Variants in CDH23 observed in about 807,000 individuals in gnomAD.
CDH23 encodes cadherin-23.
In CDH23, 189 loss-of-function variants were observed where a neutral mutation model predicts 317.1. That is an observed-to-expected ratio of 0.60 (90% CI 0.53 to 0.67). The LOEUF (loss-of-function observed/expected upper bound fraction) is 0.67, where lower values mean the gene tolerates loss of function less well. Ranked by LOEUF, CDH23 falls within the 30% of genes least tolerant of loss-of-function variation. The pLI is 0.00. For missense variants in CDH23, 4,401 were observed against 4,592.4 expected (o/e 0.96, Z 1.20); for synonymous variants, 1,839 against 1,876.8 (o/e 0.98, Z 0.52).
At chr10:71,738,079 T>A (rs1839618895) in intron 34 of CDH23, among the ~76,000 whole-genome samples, 1 of 152,226 alleles carries the variant, frequency 6.6e-6, no homozygotes, top group Non-Finnish European at 1.5e-5. Flanking sequence ...CTCTAAATTT[T>A]ATTACTCATC....
At chr10:71,717,136 G>A (rs1257818952) in intron 28 of CDH23, 1 of 152,326 alleles carries the variant, frequency 6.6e-6, no homozygotes, top group Non-Finnish European at 1.5e-5. Context: ...GGTCCGAAGA[G>A]GGGATTTGGC....
intron 3 of CDH23, among the ~76,000 whole-genome samples, chr10:71,450,080 C>T (rs1368071238): frequency 6.6e-6 from 1 of 152,168 alleles, no homozygotes; most frequent in Non-Finnish European, 1.5e-5. Context: ...CAGTTGTTGG[C>T]AGCAGAGCCT....
At chr10:71,555,904 C>T (rs960858181) in intron 6 of CDH23, among the ~76,000 whole-genome samples, 5 of 152,136 alleles carry the variant, frequency 3.3e-5, no homozygotes, top group East Asian at 1.9e-4. Flanking sequence ...GGTGTCTTGC[C>T]CCAGACCCAG....
intron 3 of CDH23, among the ~76,000 whole-genome samples, chr10:71,493,470 A>T (rs936580915): frequency 1.3e-5 from 2 of 151,806 alleles, no homozygotes; most frequent in African/African-American, 4.8e-5. Context: ...CCATCCATCT[A>T]CTCACCCCAA....
At chr10:71,545,331 C>G (rs778184557) in intron 6 of CDH23, among the ~76,000 whole-genome samples, 2 of 152,068 alleles carry the variant, frequency 1.3e-5, no homozygotes, top group African/African-American at 2.4e-5. Context: ...CCCATTAGAC[C>G]GTTCTCATCC....
chr10:71,529,308 G>A (rs762580302), intron 6 of CDH23, among the ~76,000 whole-genome samples: 4 of 152,162 alleles, frequency 2.6e-5, no homozygotes, highest in Non-Finnish European at 5.9e-5. Context: ...GACTCAGCTG[G>A]GAGGGACCCA....
chr10:71,553,836 C>T (rs1159316475), intron 6 of CDH23, among the ~76,000 whole-genome samples: 1 of 152,204 alleles, frequency 6.6e-6, no homozygotes, highest in African/African-American at 2.4e-5. Context: ...GTGTTAGAGG[C>T]TTTTGCACAC....
Position 71,796,992 on chromosome 10 carries a change from G to A in CDH23, c.6713-112G>A, listed in dbSNP as rs1429574113. The A allele has an allele frequency of 5.8e-6, 4 of 692,510 alleles. No homozygotes were observed. The African/African-American group carries it at 7.1e-5, about 12-fold the overall frequency. The allele number at this position is 692,510 out of a possible 1,614,324, so 42.9% of individuals were successfully genotyped here. ...CCAGCCACAAGTCCCAGATTCTACT[G>A]GGGACCGTCATCCTTTGTGGGGATT... On this transcript the variant is annotated intron_variant, in intron 48 of 69. Transcript: ENST00000224721.
At chr10:71,618,378 C>T (rs1237743909) in intron 11 of CDH23, among the ~76,000 whole-genome samples, 2 of 152,076 alleles carry the variant, frequency 1.3e-5, no homozygotes, top group African/African-American at 2.4e-5. Flanking sequence ...GGCAGGGCGG[C>T]GAGGCCTCTA....
chr10:71,707,841 G>A (rs1038309541), intron 26 of CDH23, among the ~76,000 whole-genome samples: 2 of 152,050 alleles, frequency 1.3e-5, no homozygotes, highest in Non-Finnish European at 2.9e-5. Context: ...CTGTACACAC[G>A]AGCAGGGCAC....
At position 71,810,534 on chromosome 10, in the gene CDH23, GAACCGCGATACC is replaced by G. The variant is rs1299749535; in HGVS notation, c.9049_9060del (p.Asp3017_Arg3020del). The G allele has an allele frequency of 1.2e-6, 2 of 1,613,868 alleles. No individual in the cohort carries two copies. The highest frequency in any genetic ancestry group is 8.5e-7 in the Non-Finnish European group (1 of 1,179,878). On this transcript the variant is annotated inframe_deletion, in exon 62 of 70. Transcript: ENST00000224721. Reference sequence around the variant, plus strand: ...AGACAGAACTGCTTATCCACGTGGTGAACCGCGATACCAACCGCATCCTGGACGTGGACCGGT... The same window carrying G: ...AGACAGAACTGCTTATCCACGTGGTGAACCGCATCCTGGACGTGGACCGGT...
chr10:71,681,781 T>C (rs979293624), intron 17 of CDH23, among the ~76,000 whole-genome samples: 3 of 152,136 alleles, frequency 2.0e-5, no homozygotes, highest in Non-Finnish European at 4.4e-5. Context: ...ACAAAGAAAT[T>C]TTTTTAAATG....
chr10:71,665,373 T>TCG (rs1379903238), intron 14 of CDH23, among the ~76,000 whole-genome samples: 1 of 152,174 alleles, frequency 6.6e-6, no homozygotes, highest in Non-Finnish European at 1.5e-5. Context: ...CTGCCTCATC[T>TCG]CGGAGCCTCT....
At chr10:71,743,548 C>T (rs1458905160) in intron 38 of CDH23, among the ~76,000 whole-genome samples, 1 of 152,174 alleles carries the variant, frequency 6.6e-6, no homozygotes, top group African/African-American at 2.4e-5. Flanking sequence ...CCCATGGCTG[C>T]ACAGTGTCAT....
Position 71,803,075 on chromosome 10 carries a change from G to A in CDH23, c.7660G>A (p.Glu2554Lys), listed in dbSNP as rs1348274222. 6 of 1,607,376 alleles carry A rather than the reference G, an allele frequency of 3.7e-6. No individual in the cohort carries two copies. Among genetic ancestry groups the A allele is most frequent in the Non-Finnish European group, 4.3e-6 (5 of 1,174,688 alleles). ...LTYSLEGPGV[E>K]AFHVDMDSGL... is the part of the protein sequence containing the mutation. ...CTACTCACTTGAGGGCCCTGGCGTGGGTATGTGGCCTTCCTTGGACACCCA... is the reference window on the plus strand; with the variant it reads ...CTACTCACTTGAGGGCCCTGGCGTGAGTATGTGGCCTTCCTTGGACACCCA... Residue 2554 changes from glutamate to lysine, a missense_variant and splice_region_variant, in exon 54 of 70, where the codon GAG becomes AAG. Transcript: ENST00000224721.
intron 9 of CDH23, among the ~76,000 whole-genome samples, chr10:71,582,977 C>G (rs981700948): frequency 3.9e-5 from 6 of 152,140 alleles, no homozygotes; most frequent in African/African-American, 1.4e-4. Flanking sequence ...ACTGTTTTAT[C>G]TACTTCTGTG....
chr10:71,461,369 C>T (rs1850975533), intron 3 of CDH23, among the ~76,000 whole-genome samples: 1 of 152,234 alleles, frequency 6.6e-6, no homozygotes, highest in African/African-American at 2.4e-5. Context: ...TGGGTGATGC[C>T]TTAAGTACCT....
intron 6 of CDH23, among the ~76,000 whole-genome samples, chr10:71,548,051 C>CA (rs1856382250): frequency 6.6e-6 from 1 of 152,194 alleles, no homozygotes. Flanking sequence ...TGACGGAATG[C>CA]ATTTCTCTGC....
intron 3 of CDH23, among the ~76,000 whole-genome samples, chr10:71,454,829 A>AT (rs1219724857): frequency 1.4e-5 from 2 of 144,688 alleles, no homozygotes; most frequent in African/African-American, 2.6e-5. Flanking sequence ...TACATACTAT[A>AT]TTTTTTTTAC....
Sources: gnomAD v4.1 joint callset for allele counts (sites outside exome capture counted in the v4.1 genomes callset) on GRCh38, gnomAD v4.1.1 for gene constraint, MANE v1.5 for transcripts, NCBI Gene and HGNC (gene_info 2026-07-23, HGNC 2026-07-21) for gene names.